ZNF737: variants seen among roughly 807,000 people sequenced by gnomAD.
ZNF737 encodes the protein zinc finger protein 737, also known as zinc finger protein 102 (Y3).
A neutral mutation model predicts 11.7 loss-of-function variants in ZNF737; 13 were observed. That is an observed-to-expected ratio of 1.11 (90% confidence interval 0.73 to 1.77). The LOEUF (loss-of-function observed/expected upper bound fraction) is 1.77, where lower values mean the gene tolerates loss of function less well. ZNF737 is among the 40% of genes most tolerant of loss of function. ZNF737 has a pLI of 0.00. For missense variants in ZNF737, 636 were observed against 638.0 expected (o/e 1.00, Z 0.03); for synonymous variants, 217 against 216.2 (o/e 1.00, Z -0.03).
Position 20,544,941 on chromosome 19 carries a change from C to A in ZNF737, c.1262G>T (p.Gly421Val). 6.2e-7 allele frequency: 1 copy of A among 1,612,664 alleles called. No homozygotes were observed. The highest frequency in any genetic ancestry group is 1.1e-5 in the South Asian group (1 of 90,904). The part of the protein sequence containing the change: ...SLTTHKIIHT[G>V]QQPFKCEECG... ...TTCTTCACACTTGAAGGGTTGCTGT[C>A]CAGTATGGATTATCTTATGTGTAGT... The change falls in exon 4 of 4, where the codon GGA becomes GTA. Residue 421 changes from glycine (G) to valine (V), a missense_variant. By Grantham distance (109) the Gly-to-Val change is moderately radical. Transcript: ENST00000427401.
chr19:20,532,947 A>C (rs1356066765), downstream of ZNF737, among the ~76,000 whole-genome samples: 6 of 150,100 alleles, frequency 4.0e-5, 2 homozygotes, highest in Admixed American at 6.6e-5. Flanking sequence ...TGCCTCAAAG[A>C]CAAAAAGACA....
At chr19:20,555,628 G>A (rs910362448) in intron 1 of ZNF737, among the ~76,000 whole-genome samples, 31 of 152,162 alleles carry the variant, frequency 2.0e-4, no homozygotes, top group Non-Finnish European at 2.6e-4. Flanking sequence ...TGAAGAAAAG[G>A]CTCTGGGATA....
intron 3 of ZNF737, 149 bp downstream of exon 3, chr19:20,552,326 A>G: frequency 1.9e-6 from 1 of 525,856 alleles, no homozygotes; most frequent in Non-Finnish European, 3.1e-6. Context: ...AGCAAAATTT[A>G]AAAAAGAAAA....
chr19:20,540,107 A>G lies in ZNF737; in HGVS notation c.*4485T>C. The stretch of plus-strand genomic sequence containing the variant: ...TCTTATGTTCCTTACTGGAAGCAAC[A>G]TGGAGGAGGCAGAAATGATGGCAAG... On this transcript the variant is annotated 3_prime_UTR_variant, in exon 4 of 4. Coordinates refer to ENST00000427401, the MANE Select transcript of ZNF737 (RefSeq NM_001159293.2). 5.1e-6 allele frequency: 5 copies of G among 985,308 alleles called. No individual in the cohort carries two copies. Among genetic ancestry groups the G allele is most frequent in the Non-Finnish European group, 6.0e-6 (5 of 829,900 alleles). The allele number at this position is 985,308 out of a possible 1,614,324, so 61.0% of individuals were successfully genotyped here. A position where few individuals can be genotyped will look rare whatever the true frequency, so the allele number is the denominator to read the frequency against.
rs782237419 is a variant in ZNF737, at chr19:20,560,859, C to T, written c.3+4779G>A. Reference sequence around the variant, plus strand: ...GCATGTTTTTATTTATAAGTAACAGCTAAATAATAAGAACACACAAACACA... The same window carrying T: ...GCATGTTTTTATTTATAAGTAACAGTTAAATAATAAGAACACACAAACACA... On this transcript the variant is annotated intron_variant, in intron 1 of 3. Coordinates refer to ENST00000427401, the MANE Select transcript of ZNF737 (RefSeq NM_001159293.2). Among the ~76,000 whole-genome samples the T allele has an allele frequency of 2.5e-4, 38 of 152,198 alleles. 1 individual carries two copies. Among genetic ancestry groups the T allele is most frequent in the Admixed American group, 1.2e-3 (18 of 15,288 alleles).
chr19:20,563,004 C>G (rs1969156501), intron 1 of ZNF737, among the ~76,000 whole-genome samples: 1 of 151,194 alleles, frequency 6.6e-6, no homozygotes. Context: ...CCCTTTTCTG[C>G]TTACATCTTT....
In ZNF737 at chr19:20,541,858, T is replaced by C. The variant is rs1968218956; in HGVS notation, c.*2734A>G. 4.8e-6 allele frequency: 1 copy of C among 206,726 alleles called. No individual in the cohort carries two copies. Among genetic ancestry groups the C allele is most frequent in the Non-Finnish European group, 8.5e-6 (1 of 118,098 alleles). 12.8% of individuals were successfully genotyped at this position (206,726 alleles called of 1,614,324 possible). On this transcript the variant is annotated 3_prime_UTR_variant, in exon 4 of 4. Transcript: ENST00000427401. The stretch of plus-strand genomic sequence containing the variant: ...TATTGGTAATACAAAAGATAAATGC[T>C]AGAGGTGATGGATACCTTATTTACC...
At chr19:20,553,310 G>C (rs1968764258) in intron 2 of ZNF737, among the ~76,000 whole-genome samples, 1 of 152,008 alleles carries the variant, frequency 6.6e-6, no homozygotes, top group Non-Finnish European at 1.5e-5. Context: ...CTGGGCTGGA[G>C]TGCAATGGCA....
intron 1 of ZNF737, among the ~76,000 whole-genome samples, chr19:20,554,334 C>T (rs1321160044): frequency 6.6e-6 from 1 of 152,178 alleles, no homozygotes; most frequent in Non-Finnish European, 1.5e-5. Context: ...TTTTGTCAAA[C>T]ATCCAGTAAG....
rs1321053149 is a variant in ZNF737 at position 20,541,507 on chromosome 19, C to G, written c.*3085G>C. ...TGTCAGCCAGGCTGGAGTGCAGTGG[C>G]ATGATCTCAGCTCACTGCAACCTCT... On this transcript the variant is annotated 3_prime_UTR_variant, in exon 4 of 4. Coordinates refer to ENST00000427401, the MANE Select transcript of ZNF737 (RefSeq NM_001159293.2). 1.5e-6 allele frequency: 1 copy of G among 659,982 alleles called. No homozygotes were observed. The highest frequency in any genetic ancestry group is 1.9e-6 in the Non-Finnish European group (1 of 533,488). 40.9% of individuals were successfully genotyped at this position (659,982 alleles called of 1,614,324 possible).
chr19:20,543,194 T>C lies in ZNF737; in HGVS notation c.*1398A>G, dbSNP rs1399502318. On this transcript the variant is annotated 3_prime_UTR_variant, in exon 4 of 4. Transcript: ENST00000427401. ...AAACTCTCTGTTGTTTTCTAAGCTG[T>C]AGTTTCTGGGGAAAAAAAAGTGTTT... The C allele has an allele frequency of 1.4e-5, 14 of 981,534 alleles. No homozygotes were observed. The highest frequency in any genetic ancestry group is 9.5e-5 in the South Asian group (2 of 21,150). The allele number at this position is 981,534 out of a possible 1,614,324, so 60.8% of individuals were successfully genotyped here. A position where few individuals can be genotyped will look rare whatever the true frequency, so the allele number is the denominator to read the frequency against.
At chr19:20,533,152 TAGTA>T (rs1967870388), downstream of ZNF737, among the ~76,000 whole-genome samples, 1 of 150,164 alleles carries the variant, frequency 6.7e-6, no homozygotes, top group Admixed American at 6.6e-5. Context: ...CCAAAGGCCT[TAGTA>T]AGTATTCATC....
Position 20,543,079 on chromosome 19 carries a change from ACTGTAAACT to A in ZNF737, c.*1504_*1512del. On this transcript the variant is annotated 3_prime_UTR_variant, in exon 4 of 4. Transcript: ENST00000427401. ...GAAGTGTCGGGGCCTTAGTTATTCT[ACTGTAAACT>A]CTCTTGATATTTATATACAATCTAT... The A allele has an allele frequency of 1.0e-6, 1 of 977,570 alleles. No individual in the cohort carries two copies. The highest frequency in any genetic ancestry group is 1.2e-6 in the Non-Finnish European group (1 of 822,942). The allele number at this position is 977,570 out of a possible 1,614,324, so 60.6% of individuals were successfully genotyped here.
In ZNF737 at chr19:20,541,407, G is replaced by A. The variant is rs1968201156; in HGVS notation, c.*3185C>T. ...ATGTTCAAGGAAAACTATATTACAA[G>A]TATTTATAATTTTTCAGGACTCAGA... On this transcript the variant is annotated 3_prime_UTR_variant, in exon 4 of 4. Transcript: ENST00000427401. 1.0e-6 allele frequency: 1 copy of A among 982,712 alleles called. No individual in the cohort carries two copies. The highest frequency in any genetic ancestry group is 1.2e-6 in the Non-Finnish European group (1 of 827,704). The allele number at this position is 982,712 out of a possible 1,614,324, so 60.9% of individuals were successfully genotyped here.
Position 20,544,363 on chromosome 19 carries a change from G to T in ZNF737, c.*229C>A. 3.6e-6 allele frequency: 5 copies of T among 1,371,096 alleles called. No homozygotes were observed. Among genetic ancestry groups the T allele is most frequent in the Non-Finnish European group, 3.8e-6 (4 of 1,066,000 alleles). The allele number at this position is 1,371,096 out of a possible 1,614,324, so 84.9% of individuals were successfully genotyped here. On this transcript the variant is annotated 3_prime_UTR_variant, in exon 4 of 4. Transcript: ENST00000427401. ...AACTCACAGGGTTTCTCTCCAGTAC[G>T]AATTATCTTATGTCTAGTAAGGGCA...
downstream of ZNF737, among the ~76,000 whole-genome samples, chr19:20,534,124 T>C (rs1299496539): frequency 2.0e-5 from 3 of 150,170 alleles, no homozygotes; most frequent in African/African-American, 7.4e-5. Flanking sequence ...TTAAATTATC[T>C]AAGCTGAGTT....
rs1312833001 is a variant in ZNF737 at position 20,541,326 on chromosome 19, A to C, written c.*3266T>G. Reference sequence around the variant, plus strand: ...TTTATCTTCAGAGTAATATGTGTATATTTAACTCTATGTAAATTAAAACTA... The same window carrying C: ...TTTATCTTCAGAGTAATATGTGTATCTTTAACTCTATGTAAATTAAAACTA... On this transcript the variant is annotated 3_prime_UTR_variant, in exon 4 of 4. Coordinates refer to ENST00000427401, the MANE Select transcript of ZNF737 (RefSeq NM_001159293.2). The C allele has an allele frequency of 1.0e-6, 1 of 983,356 alleles. No individual in the cohort carries two copies. The highest frequency in any genetic ancestry group is 1.1e-4 in the East Asian group (1 of 8,826). 60.9% of individuals were successfully genotyped at this position (983,356 alleles called of 1,614,324 possible).
At position 20,538,221 on chromosome 19, in the gene ZNF737, G is replaced by A. The variant is rs1261025795; in HGVS notation, c.*6371C>T. The A allele has an allele frequency of 6.0e-6, 1 of 165,768 alleles. No individual in the cohort carries two copies. The highest frequency in any genetic ancestry group is 2.4e-5 in the African/African-American group (1 of 41,680). The allele number at this position is 165,768 out of a possible 1,614,324, so 10.3% of individuals were successfully genotyped here. A position where few individuals can be genotyped will look rare whatever the true frequency, so the allele number is the denominator to read the frequency against. On this transcript the variant is annotated 3_prime_UTR_variant, in exon 4 of 4. Coordinates refer to ENST00000427401, the MANE Select transcript of ZNF737 (RefSeq NM_001159293.2). ...TGCTAAGCACAATTAAAAAATCAAT[G>A]TACTTTATGTTCTTAGCTCCCACAA...
chr19:20,531,116 C>T (rs1967815120), downstream of ZNF737, among the ~76,000 whole-genome samples: 2 of 146,336 alleles, frequency 1.4e-5, no homozygotes, highest in Admixed American at 6.7e-5. Flanking sequence ...CAATCGCAGG[C>T]ACTCGGCAGG....
Sources: gnomAD v4.1 joint callset for allele counts (sites outside exome capture counted in the v4.1 genomes callset) on GRCh38, gnomAD v4.1.1 for gene constraint, MANE v1.5 for transcripts, NCBI Gene and HGNC (gene_info 2026-07-23, HGNC 2026-07-21) for gene names.